The following TBX15 variants were observed in gnomAD, a reference collection of about 807,000 sequenced individuals.
TBX15 encodes T-box transcription factor TBX15.
In TBX15, 18 loss-of-function variants were observed where a neutral mutation model predicts 53.9. The ratio of observed to expected loss-of-function variants is 0.33; its 90% confidence interval spans 0.23 to 0.49. The LOEUF is 0.49. Among genes scored for constraint, TBX15 ranks in the 20% least tolerant of loss-of-function variants. The pLI, the probability that TBX15 is intolerant of heterozygous loss-of-function variation, is 0.98. For missense variants in TBX15, 692 were observed against 749.5 expected, an observed-to-expected ratio of 0.92 and a Z score of 0.90; for synonymous variants, 295 against 278.0, an observed-to-expected ratio of 1.06 and a Z score of -0.61.
chr1:118,926,679 A>C (rs2101600652), intron 2 of TBX15, 68 bp from the exon 3 acceptor site: 1 of 1,335,662 alleles, frequency 7.5e-7, no homozygotes, highest in Non-Finnish European at 1.1e-6. Flanking sequence ...TAAAAGCTTA[A>C]ACAATGTGGG....
chr1:118,895,050 T>A (rs1466777254), intron 7 of TBX15, among the ~76,000 whole-genome samples: 1 of 152,224 alleles, frequency 6.6e-6, no homozygotes, highest in Non-Finnish European at 1.5e-5. Flanking sequence ...CAATGGCTCA[T>A]GTCCACTAAA....
intron 1 of TBX15, among the ~76,000 whole-genome samples, chr1:118,983,608 G>A (rs1657717400): frequency 6.6e-6 from 1 of 152,178 alleles, no homozygotes; most frequent in Non-Finnish European, 1.5e-5. Context: ...TGACCTCCGT[G>A]GAAGACCGTT....
intron 6 of TBX15, among the ~76,000 whole-genome samples, chr1:118,912,071 A>G (rs1655045407): frequency 6.6e-6 from 1 of 152,198 alleles, no homozygotes; most frequent in Admixed American, 6.5e-5. Flanking sequence ...GAAAGCACTT[A>G]TTTAGAAATC....
chr1:118,887,632 G>A (rs746770444), intron 7 of TBX15, among the ~76,000 whole-genome samples: 11 of 149,930 alleles, frequency 7.3e-5, no homozygotes, highest in Non-Finnish European at 1.6e-4. Context: ...CCAAGATAGT[G>A]CCATTGCACG....
At chr1:118,972,252 G>A (rs538358815) in intron 1 of TBX15, among the ~76,000 whole-genome samples, 2 of 152,144 alleles carry the variant, frequency 1.3e-5, no homozygotes, top group Non-Finnish European at 2.9e-5. Context: ...AAACATATGA[G>A]CTCTGCATGG....
At chr1:118,924,150 C>T (rs1271977152) in intron 4 of TBX15, among the ~76,000 whole-genome samples, 1 of 152,194 alleles carries the variant, frequency 6.6e-6, no homozygotes, top group African/African-American at 2.4e-5. Flanking sequence ...TCCTGCCATT[C>T]AGTGAAAATT....
intron 1 of TBX15, among the ~76,000 whole-genome samples, chr1:118,969,937 A>C (rs1164184068): frequency 6.6e-6 from 1 of 152,174 alleles, no homozygotes; most frequent in Non-Finnish European, 1.5e-5. Flanking sequence ...GTGTTGGGAG[A>C]GGGACCTGAT....
chr1:118,903,187 T>C (rs1173756347), intron 6 of TBX15, among the ~76,000 whole-genome samples: 1 of 152,188 alleles, frequency 6.6e-6, no homozygotes, highest in African/African-American at 2.4e-5. Context: ...CTCTTCTCTT[T>C]AGGCTTTTCA....
chr1:118,900,753 G>A (rs1654602388), intron 6 of TBX15, among the ~76,000 whole-genome samples: 2 of 152,166 alleles, frequency 1.3e-5, no homozygotes, highest in African/African-American at 4.8e-5. Flanking sequence ...AGGGAGTTCA[G>A]AATAATAAGG....
intron 1 of TBX15, among the ~76,000 whole-genome samples, chr1:118,958,761 A>G (rs1005675662): frequency 6.6e-6 from 1 of 152,040 alleles, no homozygotes; most frequent in Admixed American, 6.6e-5. Flanking sequence ...GCATGTTGAG[A>G]TGCTCACCAA....
In TBX15 at chr1:118,884,828, A is replaced by G; in HGVS notation, c.1713T>C (p.Pro571=). ...TGGTTGCCTGTTGGTTATTGGGTGA[A>G]GGGCTAATCATGTGCATGCTGTGCT... ...GMEHSMHMIS[P]SPNNQQATNT... The change falls in exon 8 of 8, where the codon CCT becomes CCC. Residue 571 remains proline (P), a synonymous_variant. Transcript: ENST00000369429. The G allele has an allele frequency of 3.1e-6, 5 of 1,614,124 alleles. No individual in the cohort carries two copies. Among genetic ancestry groups the G allele is most frequent in the Non-Finnish European group, 4.2e-6 (5 of 1,180,022 alleles).
intron 1 of TBX15, among the ~76,000 whole-genome samples, chr1:118,952,575 A>G (rs1656550772): frequency 1.3e-5 from 2 of 152,032 alleles, no homozygotes; most frequent in Admixed American, 1.3e-4. Context: ...ACATTTTACA[A>G]TCCTGGGCCA....
At chr1:118,908,920 T>TCA (rs113048062) in intron 6 of TBX15, among the ~76,000 whole-genome samples, 63,946 of 149,208 alleles carry the variant, frequency 0.43, 14,117 homozygotes, top group Non-Finnish European at 0.49. Flanking sequence ...CACTCAACAT[T>TCA]CACACACACA....
intron 7 of TBX15, among the ~76,000 whole-genome samples, chr1:118,895,222 C>T (rs974277495): frequency 6.6e-6 from 1 of 152,134 alleles, no homozygotes; most frequent in East Asian, 1.9e-4. Flanking sequence ...ACTGAAACAC[C>T]CAATGGTACT....
chr1:118,948,249 C>A (rs1656406167), intron 1 of TBX15, among the ~76,000 whole-genome samples: 1 of 152,106 alleles, frequency 6.6e-6, no homozygotes, highest in African/African-American at 2.4e-5. Flanking sequence ...TGGGGGCAGA[C>A]AGATAACATC....
At chr1:118,916,968 G>A (rs1267684042) in intron 5 of TBX15, among the ~76,000 whole-genome samples, 1 of 152,228 alleles carries the variant, frequency 6.6e-6, no homozygotes, top group Non-Finnish European at 1.5e-5. Flanking sequence ...TTCACTGTCA[G>A]TGGGAATGCA....
intron 1 of TBX15, among the ~76,000 whole-genome samples, chr1:118,971,917 G>A (rs560683525): frequency 6.6e-6 from 1 of 152,312 alleles, no homozygotes; most frequent in Admixed American, 6.5e-5. Flanking sequence ...TGTAAAGCCG[G>A]CAGTTATTCT....
chr1:118,910,787 C>T (rs375460853), intron 6 of TBX15, among the ~76,000 whole-genome samples: 2 of 152,182 alleles, frequency 1.3e-5, no homozygotes, highest in African/African-American at 4.8e-5. Context: ...TCATGAGACA[C>T]ATGACTTCAA....
chr1:118,904,612 G>T (rs534484238), intron 6 of TBX15, among the ~76,000 whole-genome samples: 3 of 152,202 alleles, frequency 2.0e-5, no homozygotes, highest in African/African-American at 7.2e-5. Context: ...CTTACCAAGT[G>T]ATTCCCAACT....
Sources: gnomAD v4.1 joint callset for allele counts (sites outside exome capture counted in the v4.1 genomes callset) on GRCh38, gnomAD v4.1.1 for gene constraint, MANE v1.5 for transcripts, NCBI Gene and HGNC (gene_info 2026-07-23, HGNC 2026-07-21) for gene names.